The following WDPCP variants were observed in gnomAD, a reference collection of about 807,000 sequenced individuals.
WDPCP encodes the protein WD repeat-containing and planar cell polarity effector protein fritz homolog.
In WDPCP, 71 loss-of-function variants were observed where a neutral mutation model predicts 93.1. That is an observed-to-expected ratio of 0.76 (90% CI 0.63 to 0.93). The LOEUF (loss-of-function observed/expected upper bound fraction) is 0.93, where lower values mean the gene tolerates loss of function less well. WDPCP is among the 40% of genes least tolerant of loss of function. WDPCP has a pLI of 0.00. For missense variants in WDPCP, 844 were observed against 887.4 expected (o/e 0.95, Z 0.62); for synonymous variants, 315 against 315.0 (o/e 1.00, Z 0.00).
chr2:63,752,630 G>A (rs905540525), intron 2 of WDPCP: 11 of 477,216 alleles, frequency 2.3e-5, no homozygotes, highest in Admixed American at 6.5e-5. Flanking sequence ...TAGACATGAC[G>A]GTGGCGGTGG....
Position 63,356,710 on chromosome 2 carries a change from A to C in WDPCP, c.1748+21676T>G, listed in dbSNP as rs558181444. 6.6e-5 allele frequency among the ~76,000 whole-genome samples: 10 copies of C among 152,328 alleles called. 1 individual carries two copies. Among genetic ancestry groups the C allele is most frequent in the Admixed American group, 3.3e-4 (5 of 15,294 alleles). On this transcript the variant is annotated intron_variant, in intron 12 of 17. Coordinates refer to ENST00000272321, the MANE Select transcript of WDPCP (RefSeq NM_015910.7). ...AATGAAATTAAGGCAGAAATCCATA[A>C]GTTCTTTGAAAATAATAAGAACAAA...
intron 1 of WDPCP, among the ~76,000 whole-genome samples, chr2:63,527,328 G>A (rs1031046317): frequency 5.3e-5 from 8 of 149,558 alleles, no homozygotes; most frequent in Non-Finnish European, 1.0e-4. Flanking sequence ...CCATTATCTC[G>A]TCATTTACAT....
At chr2:63,571,599 T>C (rs1707508826) in intron 1 of WDPCP, 1 of 471,060 alleles carries the variant, frequency 2.1e-6, no homozygotes, top group African/African-American at 2.0e-5. Context: ...GGGTTTTCTG[T>C]ATTTTGTCCA....
At chr2:63,143,537 T>C (rs1243011852) in intron 17 of WDPCP, among the ~76,000 whole-genome samples, 1 of 152,186 alleles carries the variant, frequency 6.6e-6, no homozygotes, top group Non-Finnish European at 1.5e-5. Context: ...ATAGGTCCTG[T>C]GTGATTTATG....
At chr2:63,131,396 A>G (rs998151582) in intron 17 of WDPCP, among the ~76,000 whole-genome samples, 5 of 152,062 alleles carry the variant, frequency 3.3e-5, no homozygotes, top group African/African-American at 1.2e-4. Flanking sequence ...GTGATTACGT[A>G]ACACATTTCA....
intron 14 of WDPCP, among the ~76,000 whole-genome samples, chr2:63,255,219 T>C (rs1224996443): frequency 1.3e-5 from 2 of 152,078 alleles, no homozygotes; most frequent in African/African-American, 2.4e-5. Context: ...AATCAAGAAA[T>C]AGAAAATAAT....
intron 12 of WDPCP, among the ~76,000 whole-genome samples, chr2:63,346,025 T>C (rs527949808): frequency 3.8e-4 from 58 of 152,210 alleles, no homozygotes; most frequent in African/African-American, 1.4e-3. Context: ...ACCTCTCGGA[T>C]TGGATTAAGA....
chr2:63,455,772 A>T (rs1698585348), intron 6 of WDPCP, among the ~76,000 whole-genome samples: 1 of 152,196 alleles, frequency 6.6e-6, no homozygotes, highest in African/African-American at 2.4e-5. Context: ...TAGCCAGATC[A>T]TCTAGACAGA....
At chr2:63,811,399 G>T (rs1670860452) in intron 2 of WDPCP, among the ~76,000 whole-genome samples, 1 of 152,140 alleles carries the variant, frequency 6.6e-6, no homozygotes, top group South Asian at 2.1e-4. Flanking sequence ...GTTGGAAAAG[G>T]CCACATGTAA....
At chr2:63,376,931 A>C (rs1691897414) in intron 12 of WDPCP, among the ~76,000 whole-genome samples, 1 of 151,924 alleles carries the variant, frequency 6.6e-6, no homozygotes, top group Non-Finnish European at 1.5e-5. Context: ...TAGAACATGA[A>C]TATCTACACA....
At chr2:63,550,715 G>A (rs966637221) in intron 1 of WDPCP, among the ~76,000 whole-genome samples, 4 of 146,598 alleles carry the variant, frequency 2.7e-5, no homozygotes, top group South Asian at 2.1e-4. Context: ...ATATATGTGT[G>A]TATATATATA....
At position 63,330,173 on chromosome 2, in the gene WDPCP, C is replaced by T. The variant is rs935163040; in HGVS notation, c.1749-16862G>A. Among the ~76,000 whole-genome samples, 43 of 152,108 alleles carry T rather than the reference C, an allele frequency of 2.8e-4. 2 individuals are homozygous for T. On this transcript the variant is annotated intron_variant, in intron 12 of 17. Transcript: ENST00000272321. ...TTTTGAGAAACCTTTATACTGTTTT[C>T]CACAGGGCCTATACCAGCTTACATT...
chr2:63,452,534 T>C (rs1394987342), intron 6 of WDPCP, among the ~76,000 whole-genome samples: 1 of 152,176 alleles, frequency 6.6e-6, no homozygotes, highest in Admixed American at 6.5e-5. Flanking sequence ...AATTTATAGA[T>C]TCAATGCCAT....
intron 6 of WDPCP, among the ~76,000 whole-genome samples, chr2:63,463,485 G>A (rs1699151884): frequency 6.6e-6 from 1 of 152,176 alleles, no homozygotes; most frequent in South Asian, 2.1e-4. Flanking sequence ...GAGAAGAGTT[G>A]AGCCTGTTTA....
intron 2 of WDPCP, among the ~76,000 whole-genome samples, chr2:63,488,880 T>G (rs1700716732): frequency 6.6e-6 from 1 of 150,986 alleles, no homozygotes; most frequent in African/African-American, 2.4e-5. Flanking sequence ...TGGCCCAGAG[T>G]GGAAACTGTC....
At chr2:63,527,843 A>G (rs1004422984) in intron 1 of WDPCP, among the ~76,000 whole-genome samples, 1 of 152,034 alleles carries the variant, frequency 6.6e-6, no homozygotes, top group Admixed American at 6.6e-5. Flanking sequence ...CCAACAGTGT[A>G]AAAGCGTTCT....
At chr2:63,227,579 TA>T (rs1278576658) in intron 14 of WDPCP, among the ~76,000 whole-genome samples, 2 of 152,000 alleles carry the variant, frequency 1.3e-5, no homozygotes, top group African/African-American at 4.8e-5. Flanking sequence ...GCAGTGGACT[TA>T]AAAAGCAGAC....
intron 2 of WDPCP, among the ~76,000 whole-genome samples, chr2:63,721,123 A>G (rs1360191600): frequency 1.3e-5 from 2 of 152,272 alleles, no homozygotes; most frequent in Non-Finnish European, 2.9e-5. Context: ...TTGTTTTCAC[A>G]GTTCAAACAC....
At chr2:63,623,137 TGAGA>T (rs779545710) in intron 3 of WDPCP, among the ~76,000 whole-genome samples, 2 of 152,200 alleles carry the variant, frequency 1.3e-5, no homozygotes, top group Non-Finnish European at 2.9e-5. Context: ...AAGCAAATGC[TGAGA>T]GATTTTTTCA....
Sources: allele counts gnomAD v4.1 joint callset (sites outside exome capture counted in the v4.1 genomes callset), GRCh38; gene constraint gnomAD v4.1.1; transcripts MANE v1.5; gene names NCBI Gene and HGNC (gene_info 2026-07-23, HGNC 2026-07-21).